Variants in NOVA1 observed in about 807,000 individuals in gnomAD.
NOVA1 encodes the protein RNA-binding protein Nova-1.
NOVA1 carries 7 observed loss-of-function variants against 38.0 expected under a neutral mutation model. The ratio of observed to expected loss-of-function variants is 0.18; its 90% CI spans 0.10 to 0.35. The LOEUF is 0.35. Ranked by LOEUF, NOVA1 falls within the 10% of genes least tolerant of loss-of-function variation. The probability of loss-of-function intolerance (pLI) is 1.00; values close to 1 mark genes in which losing one functional copy is unlikely to be tolerated. For missense variants in NOVA1, 460 were observed against 616.0 expected (o/e 0.75, Z 2.68); for synonymous variants, 270 against 232.5 (o/e 1.16, Z -1.47).
At chr14:26,586,924 T>A (rs1175008188) in intron 2 of NOVA1, among the ~76,000 whole-genome samples, 1 of 149,402 alleles carries the variant, frequency 6.7e-6, no homozygotes, top group Admixed American at 6.7e-5. Flanking sequence ...TTTTTTTTTT[T>A]AAAGAACATA....
chr14:26,550,177 TACA>T (rs956998847), intron 2 of NOVA1, among the ~76,000 whole-genome samples: 1 of 152,120 alleles, frequency 6.6e-6, no homozygotes, highest in Non-Finnish European at 1.5e-5. Context: ...GGCAAACATA[TACA>T]ACAAGATTCT....
intron 2 of NOVA1, among the ~76,000 whole-genome samples, chr14:26,589,101 G>GA (rs1259214693): frequency 6.6e-6 from 1 of 151,456 alleles, no homozygotes; most frequent in Non-Finnish European, 1.5e-5. Context: ...AAATTTAATA[G>GA]AAAATTCAAA....
intron 4 of NOVA1, among the ~76,000 whole-genome samples, chr14:26,456,656 A>G (rs539162950): frequency 9.9e-5 from 15 of 152,014 alleles, no homozygotes; most frequent in African/African-American, 3.4e-4. Context: ...TCTTTTGCAA[A>G]TCATATTGTA....
chr14:26,549,335 T>G (rs1268404995), intron 2 of NOVA1: 2 of 150,698 alleles, frequency 1.3e-5, no homozygotes, highest in Non-Finnish European at 3.0e-5. Flanking sequence ...TTACAAGTTT[T>G]TTTTTTTTTT....
chr14:26,573,737 G>A (rs1033174953), intron 2 of NOVA1, among the ~76,000 whole-genome samples: 1 of 152,092 alleles, frequency 6.6e-6, no homozygotes, highest in Non-Finnish European at 1.5e-5. Context: ...ATCTGTTGGG[G>A]TGAGTTTCTG....
chr14:26,497,915 A>C (rs1489758421), intron 2 of NOVA1, among the ~76,000 whole-genome samples: 1 of 151,684 alleles, frequency 6.6e-6, no homozygotes, highest in Non-Finnish European at 1.5e-5. Flanking sequence ...TACTGTTAAG[A>C]AAAGAAATAA....
chr14:26,543,190 A>G (rs1042610970), intron 2 of NOVA1, among the ~76,000 whole-genome samples: 2 of 152,010 alleles, frequency 1.3e-5, no homozygotes, highest in Admixed American at 1.3e-4. Flanking sequence ...CATAAAAATT[A>G]AAAATTCAAA....
At chr14:26,592,985 A>G (rs1167090522) in intron 2 of NOVA1, 1 of 151,782 alleles carries the variant, frequency 6.6e-6, no homozygotes, top group African/African-American at 2.4e-5. Flanking sequence ...TTTTCCCCAA[A>G]TATGCTCTTA....
chr14:26,547,697 T>C (rs1457829369), intron 2 of NOVA1, among the ~76,000 whole-genome samples: 1 of 152,050 alleles, frequency 6.6e-6, no homozygotes, highest in Non-Finnish European at 1.5e-5. Flanking sequence ...ATAAAATGAA[T>C]GGGATTAAGT....
rs893855631 is a variant in NOVA1 at position 26,597,915 on chromosome 14, G to T, written c.-479C>A. 1.3e-5 allele frequency among the ~76,000 whole-genome samples: 2 copies of T among 150,758 alleles called. No individual in the cohort carries two copies. Among genetic ancestry groups the T allele is most frequent in the Non-Finnish European group, 3.0e-5 (2 of 67,586 alleles). On this transcript the variant is annotated 5_prime_UTR_variant, in exon 1 of 5. Transcript: ENST00000539517. ...GGGAAGGAGGTGGATGCCGAGAGAGGAGCGAGCGGCAGAGGAGGGCAGGAG... is the reference window on the plus strand; with the variant it reads ...GGGAAGGAGGTGGATGCCGAGAGAGTAGCGAGCGGCAGAGGAGGGCAGGAG...
intron 2 of NOVA1, among the ~76,000 whole-genome samples, chr14:26,539,454 T>G (rs1374931273): frequency 6.6e-6 from 1 of 152,124 alleles, no homozygotes; most frequent in Non-Finnish European, 1.5e-5. Context: ...TTAAACTGAC[T>G]TGAAAAGTTC....
intron 2 of NOVA1, among the ~76,000 whole-genome samples, chr14:26,504,055 A>C (rs1202750078): frequency 6.6e-6 from 1 of 152,142 alleles, no homozygotes; most frequent in African/African-American, 2.4e-5. Context: ...TCTGAATCAA[A>C]ACTTCCTAGA....
chr14:26,507,428 C>G (rs1053308819), intron 2 of NOVA1, among the ~76,000 whole-genome samples: 3 of 152,170 alleles, frequency 2.0e-5, no homozygotes, highest in Non-Finnish European at 2.9e-5. Flanking sequence ...TGTGGCCAAA[C>G]AAATCCATCC....
intron 4 of NOVA1, 191 bp downstream of exon 4, chr14:26,472,129 T>C (rs993079836): frequency 7.8e-6 from 4 of 513,848 alleles, no homozygotes; most frequent in African/African-American, 7.7e-5. Flanking sequence ...ATAGTATTTG[T>C]TATCTAAAAT....
intron 2 of NOVA1, among the ~76,000 whole-genome samples, chr14:26,496,195 G>A (rs1431358528): frequency 6.6e-6 from 1 of 151,818 alleles, no homozygotes; most frequent in Admixed American, 6.6e-5. Context: ...CATTCTAACT[G>A]GTGTGAGATG....
At chr14:26,460,851 T>C (rs1883600401) in intron 4 of NOVA1, among the ~76,000 whole-genome samples, 1 of 152,180 alleles carries the variant, frequency 6.6e-6, no homozygotes, top group Non-Finnish European at 1.5e-5. Flanking sequence ...AAAATAAACT[T>C]GATAACTATC....
chr14:26,477,742 T>C (rs1198782173), intron 3 of NOVA1, among the ~76,000 whole-genome samples: 1 of 152,040 alleles, frequency 6.6e-6, no homozygotes, highest in East Asian at 1.9e-4. Context: ...TAGAGAATAA[T>C]CCAGCAAAGA....
At chr14:26,496,691 C>T (rs1446896436) in intron 2 of NOVA1, among the ~76,000 whole-genome samples, 1 of 152,146 alleles carries the variant, frequency 6.6e-6, no homozygotes, top group African/African-American at 2.4e-5. Context: ...GGATGGGATC[C>T]AGTTTCAGCT....
chr14:26,556,739 C>T lies in NOVA1; in HGVS notation c.280+38671G>A, dbSNP rs1167254419. The stretch of plus-strand genomic sequence containing the variant: ...AGCCACAGATAGGGAAAAACACATA[C>T]CTCATAAAGTACTAGTATCTAAAAT... On this transcript the variant is annotated intron_variant, in intron 2 of 4. Coordinates refer to ENST00000539517, the MANE Select transcript of NOVA1 (RefSeq NM_002515.3). 2.0e-5 allele frequency among the ~76,000 whole-genome samples: 3 copies of T among 152,010 alleles called. No homozygotes were observed. The East Asian group carries it at 5.8e-4, about 29-fold the overall frequency.
Sources: allele counts gnomAD v4.1 joint callset (sites outside exome capture counted in the v4.1 genomes callset), GRCh38; gene constraint gnomAD v4.1.1; transcripts MANE v1.5; gene names NCBI Gene and HGNC (gene_info 2026-07-23, HGNC 2026-07-21).